The following B4GALNT4 variants were observed in gnomAD, a reference collection of about 807,000 sequenced individuals.
B4GALNT4 encodes N-acetyl-beta-glucosaminyl-glycoprotein 4-beta-N-acetylgalactosaminyltransferase 1.
In B4GALNT4, 77 loss-of-function variants were observed where a neutral mutation model predicts 110.0. The ratio of observed to expected loss-of-function variants is 0.70; its 90% CI spans 0.58 to 0.85. B4GALNT4 has a LOEUF of 0.85. Ranked by LOEUF, B4GALNT4 falls within the 40% of genes least tolerant of loss-of-function variation. The pLI is 0.00. For synonymous variants in B4GALNT4, 785 were observed against 655.5 expected, an observed-to-expected ratio of 1.20 and a Z score of -3.02; for missense variants, 1,575 against 1,506.0, an observed-to-expected ratio of 1.05 and a Z score of -0.76.
Position 378,937 on chromosome 11 carries a change from G to GGA in B4GALNT4, c.2205-480_2205-479dup, listed in dbSNP as rs562851265. On this transcript the variant is annotated intron_variant, in intron 14 of 19. Coordinates refer to ENST00000329962, the MANE Select transcript of B4GALNT4 (RefSeq NM_178537.5). ...AACATCCCAGGCAGGGGACTCCTCAGGACAAAGGAGAGGAGACAGTGGCTG... is the reference window on the plus strand; with the variant it reads ...AACATCCCAGGCAGGGGACTCCTCAGGAGACAAAGGAGAGGAGACAGTGGCTG... Among the ~76,000 whole-genome samples the GGA allele has an allele frequency of 1.8e-4, 27 of 152,244 alleles. No individual in the cohort carries two copies. In the South Asian group the frequency reaches 5.6e-3, roughly 32 times the overall value.
Position 377,091 on chromosome 11 carries a change from C to T in B4GALNT4, c.1968C>T (p.Gly656=), listed in dbSNP as rs1846772775. Residue 656 remains glycine (G), a synonymous_variant, in exon 14 of 20, where the codon GGC becomes GGT. Transcript: ENST00000329962. ...EEEGEDDGAP[G]DEAASEDSEE... is the part of the protein sequence containing the mutation. ...AAGGGGAGGACGATGGGGCCCCGGG[C>T]GACGAGGCCGCGTCGGAGGACAGCG... 11 of 1,452,290 alleles carry T rather than the reference C, an allele frequency of 7.6e-6. No homozygotes were observed. Among genetic ancestry groups the T allele is most frequent in the Non-Finnish European group, 1.0e-5 (11 of 1,102,924 alleles). 90.0% of individuals were successfully genotyped at this position (1,452,290 alleles called of 1,614,324 possible).
At chr11:370,028 G>GGCGGCGCGC (rs1390755238) in intron 1 of B4GALNT4, 74 bp downstream of exon 1, 3 of 138,024 alleles carry the variant, frequency 2.2e-5, no homozygotes, top group African/African-American at 7.9e-5. Flanking sequence ...GGGCGGCGCG[G>GGCGGCGCGC]GGGGCGCGGG....
chr11:377,477 G>C, intron 14 of B4GALNT4, 150 bp downstream of exon 14: 1 of 857,340 alleles, frequency 1.2e-6, no homozygotes, highest in Non-Finnish European at 1.6e-6. Context: ...CCCACCCCAG[G>C]GAAGCCCCAG....
Position 369,949 on chromosome 11 carries a change from G to A in B4GALNT4, c.146G>A (p.Gly49Glu), listed in dbSNP as rs1268627146. ...GRALRQRLGY[G>E]RDGEKLTSET... ...GCGCTGCGCCAGCGCCTGGGCTACGGGCGAGGTACGGCGCGGGGGGCGCGG... is the reference window on the plus strand; with the variant it reads ...GCGCTGCGCCAGCGCCTGGGCTACGAGCGAGGTACGGCGCGGGGGGCGCGG... The change falls in exon 1 of 20, where the codon GGG becomes GAG. Residue 49 changes from glycine to glutamate, a missense_variant. Transcript: ENST00000329962. The A allele has an allele frequency of 1.4e-5, 14 of 975,178 alleles. No individual in the cohort carries two copies. Among genetic ancestry groups the A allele is most frequent in the Non-Finnish European group, 1.5e-5 (12 of 825,404 alleles). The allele number at this position is 975,178 out of a possible 1,614,324, so 60.4% of individuals were successfully genotyped here. A position where few individuals can be genotyped will look rare whatever the true frequency, so the allele number is the denominator to read the frequency against.
intron 2 of B4GALNT4, 101 bp downstream of exon 2, chr11:372,313 C>G (rs1461867288): frequency 2.7e-6 from 3 of 1,100,222 alleles, no homozygotes; most frequent in Non-Finnish European, 4.0e-6. Context: ...GAGGACGCAG[C>G]AGGGGGCATG....
intron 10 of B4GALNT4, 35 bp downstream of exon 10, chr11:375,808 G>C: frequency 6.2e-7 from 1 of 1,603,086 alleles, no homozygotes; most frequent in Non-Finnish European, 8.5e-7. Context: ...GAGGGCGGGG[G>C]TGCCTGCCCC....
intron 14 of B4GALNT4, 114 bp downstream of exon 14, chr11:377,441 C>A: frequency 8.4e-7 from 1 of 1,194,516 alleles, no homozygotes; most frequent in Non-Finnish European, 1.1e-6. Flanking sequence ...CAGTGGTGTA[C>A]CGGCCTGGGG....
At position 373,500 on chromosome 11, in the gene B4GALNT4, G is replaced by A; in HGVS notation, c.688G>A (p.Val230Met). Residue 230 changes from valine to methionine, a missense_variant, in exon 7 of 20, where the codon GTG becomes ATG. Transcript: ENST00000329962. ...AGAATTCACCAAGTTCAGCTCCCAG[G>A]TGTCCAAGCCCAGGCGGTGAGTGAC... ...PGEFTKFSSQVSKPRRLMASR... is the reference protein window; with the variant it reads ...PGEFTKFSSQMSKPRRLMASR... 1.2e-6 allele frequency: 2 copies of A among 1,609,934 alleles called. No individual in the cohort carries two copies. The highest frequency in any genetic ancestry group is 1.7e-6 in the Non-Finnish European group (2 of 1,179,436).
In B4GALNT4 at chr11:369,958, C is replaced by CGGCGCGGGGGGCGGGGGCGGCGCGGGG. The variant is rs1846578985; in HGVS notation, c.151+17_151+18insGGGGCGGCGCGGGGGGCGCGGGGGGCG. ...CAGCGCCTGGGCTACGGGCGAGGTA[C>CGGCGCGGGGGGCGGGGGCGGCGCGGGG]GGCGCGGGGGGCGCGGGGGGCGCGG... On this transcript the variant is annotated splice_donor_region_variant and intron_variant, in intron 1 of 19. Transcript: ENST00000329962. 1.4e-6 allele frequency: 1 copy of CGGCGCGGGGGGCGGGGGCGGCGCGGGG among 719,920 alleles called. No homozygotes were observed. Among genetic ancestry groups the CGGCGCGGGGGGCGGGGGCGGCGCGGGG allele is most frequent in the African/African-American group, 2.6e-5 (1 of 38,878 alleles). The allele number at this position is 719,920 out of a possible 1,614,324, so 44.6% of individuals were successfully genotyped here.
In B4GALNT4 at chr11:377,193, C is replaced by G. The variant is rs766399071; in HGVS notation, c.2070C>G (p.Ala690=). The G allele has an allele frequency of 1.3e-6, 2 of 1,587,866 alleles. No homozygotes were observed. Among genetic ancestry groups the G allele is most frequent in the Non-Finnish European group, 8.6e-7 (1 of 1,168,564 alleles). ...GGCAGCGCACGTTCAGCGTGGGCGC[C>G]GTGGACTTCGAGCTGCTGCGCTCGG... ...IDWQRTFSVG[A]VDFELLRSDW... The change falls in exon 14 of 20, where the codon GCC becomes GCG. Residue 690 remains alanine (A), a synonymous_variant. Transcript: ENST00000329962.
chr11:377,272 G>T lies in B4GALNT4; in HGVS notation c.2149G>T (p.Glu717Ter), dbSNP rs745798830. Residue 717 changes from glutamate (E) to a stop codon, truncating the protein, a stop_gained, in exon 14 of 20, where the codon GAG becomes TAG. Transcript: ENST00000329962. LOFTEE classifies it high-confidence loss of function. ...GGGGAACCTGCAGCTGCCGGAGGCGGAGGCCGTGGACGTGACCGCTCAGTA... is the reference window on the plus strand; with the variant it reads ...GGGGAACCTGCAGCTGCCGGAGGCGTAGGCCGTGGACGTGACCGCTCAGTA... ...VSGNLQLPEA[E>*]AVDVTAQYME... 1.3e-6 allele frequency: 2 copies of T among 1,593,858 alleles called. No individual in the cohort carries two copies. The highest frequency in any genetic ancestry group is 1.7e-5 in the Admixed American group (1 of 57,668).
chr11:377,174 G>T lies in B4GALNT4; in HGVS notation c.2051G>T (p.Arg684Leu), dbSNP rs759426886. The T allele has an allele frequency of 1.3e-6, 2 of 1,570,726 alleles. No individual in the cohort carries two copies. Among genetic ancestry groups the T allele is most frequent in the Admixed American group, 3.7e-5 (2 of 54,276 alleles). Residue 684 changes from arginine to leucine, a missense_variant, in exon 14 of 20, where the codon CGC becomes CTC. By Grantham distance (102) the Arg-to-Leu change is moderately radical. Coordinates refer to ENST00000329962, the MANE Select transcript of B4GALNT4 (RefSeq NM_178537.5). ...CGTGAGGACGCCATCGACTGGCAGC[G>T]CACGTTCAGCGTGGGCGCCGTGGAC... ...RWREDAIDWQ[R>L]TFSVGAVDFE...
rs1846737093 is a variant in B4GALNT4 at position 375,926 on chromosome 11, C to T, written c.1065C>T (p.Phe355=). The change falls in exon 11 of 20, where the codon TTC becomes TTT. Residue 355 remains phenylalanine, a synonymous_variant. Transcript: ENST00000329962. Reference sequence around the variant, plus strand: ...CCCCCACCTACGTGGTCAAGGACTTCCCGATCGCCAGATACCAGGGCCTGC... The same window carrying T: ...CCCCCACCTACGTGGTCAAGGACTTTCCGATCGCCAGATACCAGGGCCTGC... ...AYAPTYVVKD[F]PIARYQGLQF... is the part of the protein sequence containing the mutation. 1.1e-5 allele frequency: 17 copies of T among 1,612,060 alleles called. No homozygotes were observed. Among genetic ancestry groups the T allele is most frequent in the Non-Finnish European group, 1.4e-5 (17 of 1,179,596 alleles).
rs761551059 is a variant in B4GALNT4, at chr11:380,850, C to G, written c.2895C>G (p.Gly965=). 1 of 1,613,802 alleles carries G rather than the reference C, an allele frequency of 6.2e-7. No homozygotes were observed. Among genetic ancestry groups the G allele is most frequent in the Non-Finnish European group, 8.5e-7 (1 of 1,179,878 alleles). Residue 965 remains glycine, a synonymous_variant, in exon 19 of 20, where the codon GGC becomes GGG. Transcript: ENST00000329962. ...PHGYWEVNGF[G]LFGIYKSDFD... ...GTTACTGGGAGGTGAACGGCTTTGG[C>G]CTTTTTGGGATCTACAAGTCGGACT...
At position 381,590 on chromosome 11, in the gene B4GALNT4, C is replaced by T. The variant is rs557506016; in HGVS notation, c.2997-79C>T. 16 of 1,149,276 alleles carry T rather than the reference C, an allele frequency of 1.4e-5. No homozygotes were observed. In the African/African-American group the frequency reaches 1.7e-4, roughly 12 times the overall value. The allele number at this position is 1,149,276 out of a possible 1,614,324, so 71.2% of individuals were successfully genotyped here. A position where few individuals can be genotyped will look rare whatever the true frequency, so the allele number is the denominator to read the frequency against. ...GGCCCCGGGTTCCTGACCACCTCTC[C>T]GCCCCCGGCCCCGGGGTCCTGACCA... is the stretch of plus-strand genomic sequence containing the variant. On this transcript the variant is annotated intron_variant, in intron 19 of 19. Transcript: ENST00000329962.
chr11:370,726 T>A (rs1324041862), intron 1 of B4GALNT4, among the ~76,000 whole-genome samples: 1 of 151,288 alleles, frequency 6.6e-6, no homozygotes, highest in Non-Finnish European at 1.5e-5. Flanking sequence ...AGGAGGGAGG[T>A]TAGTGCCATG....
At chr11:379,745 G>A (rs1745071145) in intron 15 of B4GALNT4, 44 bp downstream of exon 15, 1 of 1,503,794 alleles carries the variant, frequency 6.6e-7, no homozygotes, top group Non-Finnish European at 8.9e-7. Flanking sequence ...CTCGTGGAAG[G>A]AACATGGACC....
At position 377,344 on chromosome 11, in the gene B4GALNT4, A is replaced by C. The variant is rs755656907; in HGVS notation, c.2204+17A>C. 43 of 1,490,522 alleles carry C rather than the reference A, an allele frequency of 2.9e-5. No individual in the cohort carries two copies. The highest frequency in any genetic ancestry group is 2.3e-5 in the Non-Finnish European group (26 of 1,125,042). 92.3% of individuals were successfully genotyped at this position (1,490,522 alleles called of 1,614,324 possible). A position where few individuals can be genotyped will look rare whatever the true frequency, so the allele number is the denominator to read the frequency against. Reference sequence around the variant, plus strand: ...CCACGGCGGGTATGGGGGCGGCCGAACGCGCGCCAGGGCGGTTTTGGAGGC... The same window carrying C: ...CCACGGCGGGTATGGGGGCGGCCGACCGCGCGCCAGGGCGGTTTTGGAGGC... On this transcript the variant is annotated intron_variant, in intron 14 of 19. Coordinates refer to ENST00000329962, the MANE Select transcript of B4GALNT4 (RefSeq NM_178537.5).
At position 379,921 on chromosome 11, in the gene B4GALNT4, C is replaced by T. The variant is rs755906514; in HGVS notation, c.2544C>T (p.His848=). The T allele has an allele frequency of 1.2e-6, 2 of 1,610,676 alleles. No homozygotes were observed. Among genetic ancestry groups the T allele is most frequent in the South Asian group, 1.1e-5 (1 of 91,058 alleles). Residue 848 remains histidine (H), a synonymous_variant, in exon 16 of 20, where the codon CAC becomes CAT. Transcript: ENST00000329962. ...TCCTGGCGGACATGGCTGCGCTGCACGCGCGCACCGGGGACTCGCGTTTCA... is the reference window on the plus strand; with the variant it reads ...TCCTGGCGGACATGGCTGCGCTGCATGCGCGCACCGGGGACTCGCGTTTCA... ...AQFLADMAAL[H]ARTGDSRFSV...
Sources: allele counts gnomAD v4.1 joint callset (sites outside exome capture counted in the v4.1 genomes callset), GRCh38; gene constraint gnomAD v4.1.1; transcripts MANE v1.5; gene names NCBI Gene and HGNC (gene_info 2026-07-23, HGNC 2026-07-21).